The following CYP7B1 variants were observed in gnomAD, a reference collection of about 807,000 sequenced individuals.
CYP7B1 encodes the protein cytochrome P450 7B1.
In CYP7B1, 29 loss-of-function variants were observed where a neutral mutation model predicts 42.7. The ratio of observed to expected loss-of-function variants is 0.68; its 90% CI spans 0.51 to 0.93. The LOEUF (loss-of-function observed/expected upper bound fraction) is 0.93, where lower values mean the gene tolerates loss of function less well. Ranked by LOEUF, CYP7B1 falls within the 40% of genes least tolerant of loss-of-function variation. CYP7B1 has a pLI of 0.00. For missense variants in CYP7B1, 655 were observed against 600.5 expected (o/e 1.09, Z -0.95); for synonymous variants, 235 against 218.2 (o/e 1.08, Z -0.68).
At chr8:64,727,516 A>G (rs572061560) in intron 1 of CYP7B1, among the ~76,000 whole-genome samples, 1 of 152,214 alleles carries the variant, frequency 6.6e-6, no homozygotes. Flanking sequence ...CAAAGGACCT[A>G]AGTTTTTGAA....
At chr8:64,607,318 T>A (rs1240435637) in intron 4 of CYP7B1, among the ~76,000 whole-genome samples, 2 of 152,042 alleles carry the variant, frequency 1.3e-5, no homozygotes, top group African/African-American at 4.8e-5. Flanking sequence ...TATAGTATTG[T>A]TATTCTTAGA....
intron 1 of CYP7B1, among the ~76,000 whole-genome samples, chr8:64,741,773 T>A (rs1023576703): frequency 1.3e-5 from 2 of 152,198 alleles, no homozygotes; most frequent in African/African-American, 4.8e-5. Context: ...ATGAATGAAA[T>A]GCTTGTTATA....
intron 5 of CYP7B1, among the ~76,000 whole-genome samples, chr8:64,597,238 G>T (rs1183596300): frequency 2.6e-5 from 4 of 152,098 alleles, no homozygotes; most frequent in Non-Finnish European, 5.9e-5. Context: ...CCCTAAGGTG[G>T]GTCCTGACAT....
intron 1 of CYP7B1, among the ~76,000 whole-genome samples, chr8:64,664,515 C>T (rs544590159): frequency 2.0e-5 from 3 of 152,216 alleles, no homozygotes; most frequent in African/African-American, 7.2e-5. Flanking sequence ...AGAGGTAAGA[C>T]ACTTGTCTCT....
chr8:64,785,686 T>C lies in CYP7B1; in HGVS notation c.122+12780A>G, dbSNP rs190220284. Among the ~76,000 whole-genome samples the C allele has an allele frequency of 1.8e-3, 266 of 150,984 alleles. 1 individual carries two copies. The highest frequency in any genetic ancestry group is 3.1e-3 in the Non-Finnish European group (211 of 67,740). On this transcript the variant is annotated intron_variant, in intron 1 of 5. Coordinates refer to ENST00000310193, the MANE Select transcript of CYP7B1 (RefSeq NM_004820.5). The stretch of plus-strand genomic sequence containing the variant: ...GGGAGACGGTAAAAAAAAAAATCAG[T>C]GGTTGCCAAAGGTTAGGTAGGTAAG...
intron 1 of CYP7B1, among the ~76,000 whole-genome samples, chr8:64,748,348 T>C (rs1051144352): frequency 2.0e-5 from 3 of 152,156 alleles, no homozygotes; most frequent in Admixed American, 6.5e-5. Context: ...CCATTTCTCC[T>C]TCCTCCCCTA....
At chr8:64,602,955 G>T (rs897589997) in intron 5 of CYP7B1, among the ~76,000 whole-genome samples, 1 of 152,088 alleles carries the variant, frequency 6.6e-6, no homozygotes, top group Non-Finnish European at 1.5e-5. Flanking sequence ...TCTGTGCCAG[G>T]TATTATCAGC....
At chr8:64,621,988 C>T (rs910986357) in intron 2 of CYP7B1, among the ~76,000 whole-genome samples, 18 of 151,784 alleles carry the variant, frequency 1.2e-4, no homozygotes, top group Admixed American at 2.0e-4. Flanking sequence ...GTGATCCACC[C>T]GCCTCAGACT....
chr8:64,618,805 T>C (rs906455717), intron 2 of CYP7B1, among the ~76,000 whole-genome samples: 2 of 152,194 alleles, frequency 1.3e-5, no homozygotes, highest in Admixed American at 6.5e-5. Flanking sequence ...ATCAGTTCTT[T>C]ATAAAAATCA....
intron 1 of CYP7B1, among the ~76,000 whole-genome samples, chr8:64,763,409 A>G (rs1807920059): frequency 6.6e-6 from 1 of 152,198 alleles, no homozygotes. Flanking sequence ...CCATCTTGGG[A>G]GCAGCCCGCC....
chr8:64,726,654 A>C (rs1405090884), intron 1 of CYP7B1, among the ~76,000 whole-genome samples: 3 of 152,342 alleles, frequency 2.0e-5, no homozygotes, highest in African/African-American at 7.2e-5. Context: ...CAAAGATTAA[A>C]TGGGATAATA....
intron 1 of CYP7B1, among the ~76,000 whole-genome samples, chr8:64,635,122 T>A (rs1805751284): frequency 6.6e-6 from 1 of 152,338 alleles, no homozygotes; most frequent in African/African-American, 2.4e-5. Context: ...CAGTTAGGAA[T>A]TAGGTCAATT....
At chr8:64,612,759 A>C (rs1330870356) in intron 4 of CYP7B1, among the ~76,000 whole-genome samples, 2 of 152,128 alleles carry the variant, frequency 1.3e-5, no homozygotes, top group East Asian at 1.9e-4. Context: ...TAAAAGTTTA[A>C]ACTTTTTTTT....
rs1456758076 is a variant in CYP7B1 at position 64,594,112 on chromosome 8, G to A, written c.*2530C>T. ...ATCATGGACTAAATGTGTGTATGTG[G>A]GGGGTGGGTGGTGGGGCTTGGGGAC... On this transcript the variant is annotated 3_prime_UTR_variant, in exon 6 of 6. Coordinates refer to ENST00000310193, the MANE Select transcript of CYP7B1 (RefSeq NM_004820.5). 1.3e-5 allele frequency among the ~76,000 whole-genome samples: 2 copies of A among 152,068 alleles called. No homozygotes were observed. Among genetic ancestry groups the A allele is most frequent in the Non-Finnish European group, 2.9e-5 (2 of 67,982 alleles).
chr8:64,753,996 T>C (rs1807769893), intron 1 of CYP7B1, among the ~76,000 whole-genome samples: 1 of 150,946 alleles, frequency 6.6e-6, no homozygotes, highest in African/African-American at 2.5e-5. Flanking sequence ...CACAACCATG[T>C]CCATGCAACA....
chr8:64,730,541 T>C (rs1585881952), intron 1 of CYP7B1, among the ~76,000 whole-genome samples: 1 of 152,132 alleles, frequency 6.6e-6, no homozygotes, highest in East Asian at 1.9e-4. Flanking sequence ...CATGACATGA[T>C]TGGTCATTGA....
chr8:64,743,974 C>A (rs576801798), intron 1 of CYP7B1, among the ~76,000 whole-genome samples: 26 of 152,130 alleles, frequency 1.7e-4, no homozygotes, highest in Non-Finnish European at 3.2e-4. Flanking sequence ...CATTGTGGCA[C>A]CTCAGGTCAT....
At chr8:64,639,922 T>A (rs1805828400) in intron 1 of CYP7B1, among the ~76,000 whole-genome samples, 1 of 151,980 alleles carries the variant, frequency 6.6e-6, no homozygotes, top group Non-Finnish European at 1.5e-5. Context: ...TGGAATAATA[T>A]TTAGTTTATA....
At chr8:64,666,732 C>A (rs1806285515) in intron 1 of CYP7B1, among the ~76,000 whole-genome samples, 1 of 152,182 alleles carries the variant, frequency 6.6e-6, no homozygotes, top group African/African-American at 2.4e-5. Flanking sequence ...TCCTCTTCAA[C>A]AGTATTGTCA....
Sources: gnomAD v4.1 joint callset for allele counts (sites outside exome capture counted in the v4.1 genomes callset) on GRCh38, gnomAD v4.1.1 for gene constraint, MANE v1.5 for transcripts, NCBI Gene and HGNC (gene_info 2026-07-23, HGNC 2026-07-21) for gene names.